ACIN1: variants seen among roughly 807,000 people sequenced by gnomAD.
The protein encoded by ACIN1 is apoptotic chromatin condensation inducer in the nucleus.
Under a neutral mutation model 146.6 loss-of-function variants are expected in ACIN1, and 16 were observed. That is an observed-to-expected ratio of 0.11 (90% CI 0.07 to 0.17). ACIN1 has a LOEUF of 0.17. Ranked by LOEUF, ACIN1 falls within the 10% of genes least tolerant of loss-of-function variation. The pLI is 1.00. For missense variants in ACIN1, 1,357 were observed against 1,609.3 expected, an observed-to-expected ratio of 0.84 and a Z score of 2.68; for synonymous variants, 569 against 582.7, an observed-to-expected ratio of 0.98 and a Z score of 0.34.
chr14:23,080,417 T>C lies in ACIN1; in HGVS notation c.918A>G (p.Thr306=), dbSNP rs116018331. Reference sequence around the variant, plus strand: ...CTCTTTCTTCCTCCTCAAGGGGAGATGTTGTTTTCATTTCCTTCTCCTGCT... The same window carrying C: ...CTCTTTCTTCCTCCTCAAGGGGAGACGTTGTTTTCATTTCCTTCTCCTGCT... ...RQQQEKEMKT[T]SPLEEEEREI... Residue 306 remains threonine (T), a synonymous_variant, in exon 6 of 19, where the codon ACA becomes ACG. Transcript: ENST00000605057. 9.2e-4 allele frequency: 1,485 copies of C among 1,614,124 alleles called. 15 individuals are homozygous for C. The African/African-American group carries it at 0.015, about 16-fold the overall frequency.
At chr14:23,095,253 CTCCGGATGTCCTCGGATGTT>C (rs2048347638), upstream of ACIN1, 9 of 1,606,190 alleles carry the variant, frequency 5.6e-6, no homozygotes, top group Non-Finnish European at 7.7e-6. Context: ...CCCCGGGTTC[CTCCGGATGTCCTCGGATGTT>C]TCCGTCTCCA....
chr14:23,070,835 G>A (rs2047619588), intron 8 of ACIN1, among the ~76,000 whole-genome samples: 1 of 152,088 alleles, frequency 6.6e-6, no homozygotes, highest in Non-Finnish European at 1.5e-5. Flanking sequence ...GGGGGTTAGG[G>A]GGAGGGGAAA....
Position 23,064,347 on chromosome 14 carries a change from CA to C in ACIN1, c.2442+7del. Reference sequence around the variant, plus strand: ...TCATCCTCCCTTCCCTGGCTCCTCCCACCTCACCTTTAGTGATTCAGTGGTG... The same window carrying C: ...TCATCCTCCCTTCCCTGGCTCCTCCCCCTCACCTTTAGTGATTCAGTGGTG... On this transcript the variant is annotated splice_region_variant and intron_variant, in intron 11 of 18. Transcript: ENST00000605057. The C allele has an allele frequency of 6.2e-7, 1 of 1,614,234 alleles. No individual in the cohort carries two copies. Among genetic ancestry groups the C allele is most frequent in the Non-Finnish European group, 8.5e-7 (1 of 1,180,028 alleles).
intron 8 of ACIN1, among the ~76,000 whole-genome samples, chr14:23,074,118 G>A (rs1468903033): frequency 1.3e-5 from 2 of 151,700 alleles, no homozygotes; most frequent in African/African-American, 2.4e-5. Flanking sequence ...GATCACAGGC[G>A]TGAGCCATCA....
At position 23,071,465 on chromosome 14, in the gene ACIN1, A is replaced by G. The variant is rs190878294; in HGVS notation, c.2124-1848T>C. On this transcript the variant is annotated intron_variant, in intron 8 of 18. Coordinates refer to ENST00000605057, the MANE Select transcript of ACIN1 (RefSeq NM_001386863.1). ...TTCGGCTGGATTGGTCTCTCTGGAG[A>G]AGGAGGAAGAGGGCCAGGCTGCTGG... 1.5e-3 allele frequency: 2,376 copies of G among 1,551,618 alleles called. 26 individuals are homozygous for G. The African/African-American group carries it at 0.029, about 19-fold the overall frequency.
At chr14:23,071,383 C>CT in intron 8 of ACIN1, 1 of 1,549,114 alleles carries the variant, frequency 6.5e-7, no homozygotes, top group Non-Finnish European at 8.7e-7. Context: ...TGCGGGGAGG[C>CT]TAAAACAGAT....
chr14:23,079,517 T>G, intron 6 of ACIN1, 30 bp downstream of exon 6: 1 of 1,606,644 alleles, frequency 6.2e-7, no homozygotes, highest in Non-Finnish European at 8.5e-7. Context: ...TGACAGAACA[T>G]TAATACACCC....
At chr14:23,095,485 G>A (rs2048354587), upstream of ACIN1, 1 of 737,712 alleles carries the variant, frequency 1.4e-6, no homozygotes. Flanking sequence ...TGTTTGGGGC[G>A]GGTCCGAGGC....
At chr14:23,077,627 C>T (rs1402347021) in intron 8 of ACIN1, among the ~76,000 whole-genome samples, 1 of 152,176 alleles carries the variant, frequency 6.6e-6, no homozygotes, top group Non-Finnish European at 1.5e-5. Flanking sequence ...AAACTTCTGA[C>T]TTGAAAGGAA....
chr14:23,064,650 G>A (rs2047393383), intron 10 of ACIN1, 162 bp from the exon 11 acceptor site: 1 of 1,030,402 alleles, frequency 9.7e-7, no homozygotes. Flanking sequence ...TGTAATCCCA[G>A]CACTTTGGGA....
Position 23,067,095 on chromosome 14 carries a change from T to TAG in ACIN1, c.2266-1089_2266-1088dup, listed in dbSNP as rs1195668430. ...CTCTGTTAAGGGCCAGCCTGACCCC[T>TAG]AGCTGGGCCGCTCTCGATGGGTAAG... On this transcript the variant is annotated intron_variant, in intron 9 of 18. Coordinates refer to ENST00000605057, the MANE Select transcript of ACIN1 (RefSeq NM_001386863.1). This position sits in a 1 kb window ranked among gnomAD's most constrained non-coding sequence, Gnocchi z 4.6. Among the ~76,000 whole-genome samples, 2 of 150,044 alleles carry TAG rather than the reference T, an allele frequency of 1.3e-5. No homozygotes were observed. Among genetic ancestry groups the TAG allele is most frequent in the African/African-American group, 4.9e-5 (2 of 40,632 alleles).
At chr14:23,077,818 T>C (rs530791533) in intron 8 of ACIN1, 214 of 164,078 alleles carry the variant, frequency 1.3e-3, no homozygotes, top group African/African-American at 4.8e-3. Flanking sequence ...TAGGTAAACA[T>C]GAGTTAAAGA....
At chr14:23,093,585 A>G in intron 1 of ACIN1, 41 bp from the exon 2 acceptor site, 5 of 1,571,748 alleles carry the variant, frequency 3.2e-6, no homozygotes, top group African/African-American at 1.4e-5. Context: ...GATGAGGAAA[A>G]AAAAGAAAAA....
rs150068189 is a variant in ACIN1 at position 23,063,325 on chromosome 14, C to T, written c.2737+111G>A. The T allele has an allele frequency of 3.9e-4, 541 of 1,393,962 alleles. 5 individuals carry two copies. In the African/African-American group the frequency reaches 7.1e-3, roughly 18 times the overall value. 86.3% of individuals were successfully genotyped at this position (1,393,962 alleles called of 1,614,324 possible). ...ATATGTAGGAGAAAGATATGATATA[C>T]GAAAAAATATAATGAAAGGCAGGAA... On this transcript the variant is annotated intron_variant, in intron 13 of 18. Coordinates refer to ENST00000605057, the MANE Select transcript of ACIN1 (RefSeq NM_001386863.1).
intron 8 of ACIN1, among the ~76,000 whole-genome samples, chr14:23,074,717 A>T (rs374077571): frequency 1.3e-5 from 2 of 152,212 alleles, no homozygotes; most frequent in East Asian, 3.8e-4. Context: ...AGCAGTGGGG[A>T]TATCTACCCA....
rs1402854959 is a variant in ACIN1, at chr14:23,078,935, T to G, written c.1892A>C (p.Gln631Pro). The change falls in exon 7 of 19, where the codon CAG becomes CCG. Residue 631 changes from glutamine to proline, a missense_variant. Physicochemically the swap from Gln to Pro is moderately conservative, Grantham distance 76. Around this residue, in one of 4 missense-constraint regions of ACIN1, gnomAD observed 771 missense variants for 746.6 expected, o/e 1.03. Coordinates refer to ENST00000605057, the MANE Select transcript of ACIN1 (RefSeq NM_001386863.1). The part of the protein sequence containing the change: ...EVATPPVPQL[Q>P]VCEPKERTST... The stretch of plus-strand genomic sequence containing the variant: ...AGTCCTCTCCTTTGGCTCACAGACC[T>G]GCAGTTGTGGCACTGGTGGAGTTGC... The G allele has an allele frequency of 2.5e-6, 4 of 1,614,082 alleles. No homozygotes were observed. Among genetic ancestry groups the G allele is most frequent in the Admixed American group, 3.3e-5 (2 of 60,004 alleles).
intron 9 of ACIN1, 72 bp from the exon 10 acceptor site, chr14:23,066,080 G>C: frequency 7.9e-7 from 1 of 1,259,504 alleles, no homozygotes; most frequent in East Asian, 2.3e-5. Flanking sequence ...AAGGAGGTTA[G>C]ATGGGGCAGT....
chr14:23,067,966 C>G lies in ACIN1; in HGVS notation c.2265+1510G>C. ...GCTGGCATCTCCTCAGGGACTCCAG[C>G]TGAGACAGTGGTTCCAGTCAGGTGG... On this transcript the variant is annotated intron_variant, in intron 9 of 18. Transcript: ENST00000605057. The surrounding 1 kb of genome is among the most constrained non-coding windows in gnomAD (Gnocchi z 4.6). 2.0e-6 allele frequency: 2 copies of G among 985,870 alleles called. No individual in the cohort carries two copies. The highest frequency in any genetic ancestry group is 3.5e-5 in the African/African-American group (2 of 57,334). 61.1% of individuals were successfully genotyped at this position (985,870 alleles called of 1,614,324 possible).
intron 4 of ACIN1, among the ~76,000 whole-genome samples, chr14:23,085,062 C>T (rs886372445): frequency 6.6e-5 from 10 of 151,678 alleles, no homozygotes; most frequent in African/African-American, 9.7e-5. Flanking sequence ...TTAAAGTCAA[C>T]GCTGGGCGCA....
Sources: gnomAD v4.1 joint callset for allele counts (sites outside exome capture counted in the v4.1 genomes callset) on GRCh38, gnomAD v4.1.1 for gene constraint, gnomAD v4.1.1 regional missense constraint, Gnocchi (gnomAD v3.1) non-coding constraint, MANE v1.5 for transcripts, NCBI Gene and HGNC (gene_info 2026-07-23, HGNC 2026-07-21) for gene names.